Variants in CCDC57 observed in about 807,000 individuals in gnomAD.
The protein encoded by CCDC57 is coiled-coil domain containing 57.
A neutral mutation model predicts 118.9 loss-of-function variants in CCDC57; 118 were observed. The ratio of observed to expected loss-of-function variants is 0.99; its 90% confidence interval spans 0.86 to 1.16. The LOEUF is 1.16. Among genes scored for constraint, CCDC57 ranks in the 50% most tolerant of loss-of-function variants. The probability of loss-of-function intolerance (pLI) is 0.00; values close to 1 mark genes in which losing one functional copy is unlikely to be tolerated. For missense variants in CCDC57, 1,300 were observed against 1,320.7 expected (o/e 0.98, Z 0.24); for synonymous variants, 527 against 532.9 (o/e 0.99, Z 0.15).
At chr17:82,149,633 C>G (rs1244753246) in intron 16 of CCDC57, among the ~76,000 whole-genome samples, 1 of 152,114 alleles carries the variant, frequency 6.6e-6, no homozygotes, top group East Asian at 1.9e-4. Flanking sequence ...CAGTGGCCTC[C>G]GACCAGGCCC....
chr17:82,110,879 T>C (rs917699419), intron 19 of CCDC57, among the ~76,000 whole-genome samples: 4 of 151,348 alleles, frequency 2.6e-5, no homozygotes, highest in Non-Finnish European at 2.9e-5. Flanking sequence ...ACAAACATTA[T>C]CTGGGCATGG....
At chr17:82,144,649 G>A (rs1458718079) in intron 16 of CCDC57, among the ~76,000 whole-genome samples, 2 of 152,184 alleles carry the variant, frequency 1.3e-5, no homozygotes, top group Non-Finnish European at 2.9e-5. Context: ...TTCATAAAAT[G>A]TGAGCAAAAG....
intron 16 of CCDC57, among the ~76,000 whole-genome samples, chr17:82,148,091 TGGATGGGTGGGTGGGATA>T: frequency 9.1e-6 from 1 of 110,410 alleles, no homozygotes; most frequent in Non-Finnish European, 1.9e-5. Context: ...GGTGGATGGA[TGGATGGGTGGGTGGGATA>T]AGTGGTTGGA....
chr17:82,148,335 G>GGTA (rs1277069400), intron 16 of CCDC57, among the ~76,000 whole-genome samples: 1 of 29,050 alleles, frequency 3.4e-5, no homozygotes, highest in Non-Finnish European at 6.4e-5. Context: ...GTGGATGGAT[G>GGTA]GATGGATGGA....
At chr17:82,165,170 A>C (rs910377817) in intron 13 of CCDC57, among the ~76,000 whole-genome samples, 4 of 152,234 alleles carry the variant, frequency 2.6e-5, no homozygotes, top group African/African-American at 9.6e-5. Context: ...AACAAAAAAC[A>C]AAAGAAGTAT....
At chr17:82,115,271 AGGGG>A (rs2035718384) in intron 19 of CCDC57, among the ~76,000 whole-genome samples, 1 of 18,734 alleles carries the variant, frequency 5.3e-5, no homozygotes, top group Non-Finnish European at 1.1e-4. Flanking sequence ...GTCCGGGAAG[AGGGG>A]GCAAGAGGGG....
At chr17:82,138,622 G>A (rs568626058) in intron 16 of CCDC57, among the ~76,000 whole-genome samples, 1 of 126,984 alleles carries the variant, frequency 7.9e-6, no homozygotes, top group South Asian at 2.5e-4. Context: ...GAGTGCCACG[G>A]GAAGACTGCC....
intron 19 of CCDC57, among the ~76,000 whole-genome samples, chr17:82,104,502 C>G (rs2034699710): frequency 1.3e-5 from 2 of 152,260 alleles, no homozygotes; most frequent in African/African-American, 4.8e-5. Context: ...GGCTCCGTCC[C>G]CTCAGGCGGC....
intron 16 of CCDC57, among the ~76,000 whole-genome samples, chr17:82,139,665 A>AT (rs11383629): frequency 0.44 from 67,410 of 151,928 alleles, 15,930 homozygotes; most frequent in East Asian, 0.88. Context: ...CCCATCCACG[A>AT]TTTTTGTGTT....
exon 6 of CCDC57, chr17:82,194,029 C>T: frequency 6.2e-7 from 1 of 1,613,430 alleles, no homozygotes; most frequent in Non-Finnish European, 8.5e-7. Flanking sequence ...CGGCTCGGCT[C>T]TGGAGCTTCC....
At chr17:82,119,180 G>A (rs2145078876) in intron 19 of CCDC57, among the ~76,000 whole-genome samples, 1 of 151,672 alleles carries the variant, frequency 6.6e-6, no homozygotes, top group East Asian at 2.0e-4. Flanking sequence ...TGACACTACA[G>A]ATTACTTTAC....
At chr17:82,120,098 A>G (rs2145096778) in intron 19 of CCDC57, among the ~76,000 whole-genome samples, 1 of 152,262 alleles carries the variant, frequency 6.6e-6, no homozygotes, top group South Asian at 2.1e-4. Flanking sequence ...ATATCCTACA[A>G]TAGTCGTTCA....
downstream of CCDC57, chr17:82,101,486 G>A (rs1046775656): frequency 1.5e-5 from 8 of 547,236 alleles, no homozygotes; most frequent in African/African-American, 1.6e-4. Context: ...GGAGGAACCT[G>A]GTTTTAATGG....
At chr17:82,128,544 C>G (rs1568190274) in exon 18 of CCDC57, 1 of 1,575,334 alleles carries the variant, frequency 6.3e-7, no homozygotes, top group Non-Finnish European at 8.6e-7. Flanking sequence ...CTGAGCGGGG[C>G]TGGTGCTTTC....
chr17:82,108,197 C>G (rs893850331), intron 19 of CCDC57, among the ~76,000 whole-genome samples: 1 of 152,230 alleles, frequency 6.6e-6, no homozygotes, highest in East Asian at 1.9e-4. Context: ...GTGGCAGAGA[C>G]GAGTGACCTG....
intron 19 of CCDC57, chr17:82,107,368 C>CGAGAGTG (rs1555673150): frequency 2.2e-6 from 1 of 451,762 alleles, no homozygotes; most frequent in African/African-American, 2.0e-5. Flanking sequence ...ACAGATGCCG[C>CGAGAGTG]GGGAGTGGGG....
At chr17:82,126,291 A>C in intron 19 of CCDC57, 1 of 738,262 alleles carries the variant, frequency 1.4e-6, no homozygotes, top group Non-Finnish European at 1.7e-6. Context: ...AAAGGAAAAA[A>C]AAAAAAAACA....
chr17:82,128,409 G>A (rs1024948984), intron 18 of CCDC57, 84 bp downstream of exon 17: 28 of 911,576 alleles, frequency 3.1e-5, no homozygotes, highest in Non-Finnish European at 4.2e-5. Context: ...AGGCCCCTCC[G>A]AGAGGCCCAG....
At chr17:82,128,717 C>G in intron 17 of CCDC57, 120 bp from the exon 17 acceptor site, 1 of 816,088 alleles carries the variant, frequency 1.2e-6, no homozygotes, top group Non-Finnish European at 2.0e-6. Context: ...ATTAAAGACT[C>G]ACACCATTTG....
Sources: gnomAD v4.1 joint callset for allele counts (sites outside exome capture counted in the v4.1 genomes callset) on GRCh38, gnomAD v4.1.1 for gene constraint, MANE v1.5 for transcripts, NCBI Gene and HGNC (gene_info 2026-07-23, HGNC 2026-07-21) for gene names.